Variants in TBC1D9 observed in about 807,000 individuals in gnomAD.
TBC1D9 encodes the protein TBC1 domain family member 9A.
Under a neutral mutation model 132.0 loss-of-function variants are expected in TBC1D9, and 63 were observed. That is an observed-to-expected ratio of 0.48 (90% CI 0.39 to 0.59). The LOEUF is 0.59. Ranked by LOEUF, TBC1D9 falls within the 20% of genes least tolerant of loss-of-function variation. The probability of loss-of-function intolerance (pLI) is 0.00; values close to 1 mark genes in which losing one functional copy is unlikely to be tolerated. For missense variants in TBC1D9, 1,261 were observed against 1,592.7 expected, an observed-to-expected ratio of 0.79 and a Z score of 3.54; for synonymous variants, 610 against 609.9, an observed-to-expected ratio of 1.00 and a Z score of 0.00.
At chr4:140,676,713 A>G (rs886862436) in intron 6 of TBC1D9, among the ~76,000 whole-genome samples, 181 bp downstream of exon 6, 2 of 152,198 alleles carry the variant, frequency 1.3e-5, no homozygotes, top group African/African-American at 4.8e-5. Context: ...CTGGAAGAAG[A>G]GATCTCACAG....
intron 10 of TBC1D9, among the ~76,000 whole-genome samples, 172 bp downstream of exon 10, chr4:140,661,720 GA>G (rs1195059137): frequency 2.0e-5 from 3 of 152,170 alleles, no homozygotes; most frequent in Non-Finnish European, 4.4e-5. Context: ...ACAAAGCATA[GA>G]ACAGCCCATA....
Position 140,622,174 on chromosome 4 carries a change from TC to T in TBC1D9, c.*20del, listed in dbSNP as rs1157890504. 1.3e-6 allele frequency: 2 copies of T among 1,541,982 alleles called. No homozygotes were observed. Among genetic ancestry groups the T allele is most frequent in the Admixed American group, 1.8e-5 (1 of 54,134 alleles). ...ATCCCTCCCCTCCCTCTCCTCCCAC[TC>T]CCCCGGGAAGGCGCCCGTGTCAGCC... On this transcript the variant is annotated 3_prime_UTR_variant, in exon 21 of 21. Transcript: ENST00000442267.
intron 16 of TBC1D9, among the ~76,000 whole-genome samples, chr4:140,629,749 T>C (rs1270820332): frequency 6.6e-6 from 1 of 152,194 alleles, no homozygotes; most frequent in Non-Finnish European, 1.5e-5. Flanking sequence ...ATAGCCTAAG[T>C]GTGAATTCAA....
At chr4:140,675,294 A>G (rs1045370332) in intron 6 of TBC1D9, among the ~76,000 whole-genome samples, 3 of 152,082 alleles carry the variant, frequency 2.0e-5, no homozygotes, top group Admixed American at 1.3e-4. Context: ...AGAAGAAACT[A>G]TGCCTAATTA....
At chr4:140,727,148 C>A (rs956864832) in intron 1 of TBC1D9, among the ~76,000 whole-genome samples, 3 of 152,146 alleles carry the variant, frequency 2.0e-5, no homozygotes, top group African/African-American at 7.2e-5. Flanking sequence ...GTATACAGAT[C>A]CCCAGCAGTT....
intron 1 of TBC1D9, among the ~76,000 whole-genome samples, chr4:140,726,703 T>A (rs182019212): frequency 1.3e-5 from 2 of 152,356 alleles, no homozygotes; most frequent in Admixed American, 1.3e-4. Context: ...AAGATGAGAT[T>A]GTTTTGTTAA....
chr4:140,679,293 A>G (rs1737671035), intron 4 of TBC1D9, 90 bp from the exon 5 acceptor site: 3 of 1,364,370 alleles, frequency 2.2e-6, no homozygotes, highest in East Asian at 2.3e-5. Flanking sequence ...CCCCCATCCC[A>G]CTGAACTCCT....
At chr4:140,680,679 C>T (rs1224412989) in intron 3 of TBC1D9, among the ~76,000 whole-genome samples, 2 of 152,088 alleles carry the variant, frequency 1.3e-5, no homozygotes, top group South Asian at 2.1e-4. Context: ...GTCTTAGATT[C>T]GTGCTCCCAC....
At chr4:140,681,707 A>G (rs887713880) in intron 3 of TBC1D9, among the ~76,000 whole-genome samples, 7 of 152,212 alleles carry the variant, frequency 4.6e-5, no homozygotes, top group Non-Finnish European at 2.9e-5. Flanking sequence ...TTTCTGAAAC[A>G]GAGATCTGAC....
In TBC1D9 at chr4:140,662,061, T is replaced by C. The variant is rs761779972; in HGVS notation, c.1635A>G (p.Leu545=). The change falls in exon 10 of 21, where the codon CTA becomes CTG. Residue 545 remains leucine (L), a synonymous_variant. Coordinates refer to ENST00000442267, the MANE Select transcript of TBC1D9 (RefSeq NM_015130.3). The part of the protein sequence containing the change: ...KATHPGYYED[L]VEKSMGKYNL... The stretch of plus-strand genomic sequence containing the variant: ...TATACTTCCCCATGGACTTCTCCAC[T>C]AGGTCTTCATAGTACCCAGGATGTG... 1.2e-5 allele frequency: 19 copies of C among 1,613,862 alleles called. 2 individuals carry two copies. In the Admixed American group the frequency reaches 3.0e-4, roughly 25 times the overall value.
intron 13 of TBC1D9, chr4:140,643,232 G>T: frequency 7.5e-7 from 1 of 1,333,168 alleles, no homozygotes. Context: ...CCACCTTCTT[G>T]CTCCTCCTCT....
At chr4:140,668,861 C>G in intron 9 of TBC1D9, 56 bp downstream of exon 9, 1 of 1,592,130 alleles carries the variant, frequency 6.3e-7, no homozygotes. Flanking sequence ...ACAGGGAGGC[C>G]CTGGTGTGGA....
chr4:140,678,040 C>G (rs1303414625), intron 5 of TBC1D9, among the ~76,000 whole-genome samples: 1 of 152,052 alleles, frequency 6.6e-6, no homozygotes, highest in African/African-American at 2.4e-5. Context: ...CAATCCTCCC[C>G]TCCTTTACCA....
At chr4:140,630,429 C>T (rs1342419314) in intron 16 of TBC1D9, among the ~76,000 whole-genome samples, 1 of 152,186 alleles carries the variant, frequency 6.6e-6, no homozygotes, top group Non-Finnish European at 1.5e-5. Context: ...CCTTCTCGGA[C>T]CCCTGCTGGT....
At chr4:140,751,666 C>A (rs1442482606) in intron 1 of TBC1D9, among the ~76,000 whole-genome samples, 3 of 152,074 alleles carry the variant, frequency 2.0e-5, no homozygotes. Flanking sequence ...AGGTAAGGAA[C>A]AAATGAAGAT....
In TBC1D9 at chr4:140,634,033, A is replaced by T. The variant is rs1736837654; in HGVS notation, c.2661T>A (p.Ser887=). 1 of 1,614,052 alleles carries T rather than the reference A, an allele frequency of 6.2e-7. No homozygotes were observed. Among genetic ancestry groups the T allele is most frequent in the African/African-American group, 1.3e-5 (1 of 75,074 alleles). The change falls in exon 16 of 21, where the codon TCT becomes TCA. Residue 887 remains serine, a synonymous_variant. Transcript: ENST00000442267. The stretch of plus-strand genomic sequence containing the variant: ...GGAACAAGCGGGAGGCCAGAACGTC[A>T]GAGTGAGTTCCACATGCCCAAGGAA... ...LLFPWACGTH[S]DVLASRLFQL...
At chr4:140,645,187 C>T (rs1737084688) in intron 13 of TBC1D9, 1 of 546,990 alleles carries the variant, frequency 1.8e-6, no homozygotes, top group South Asian at 1.5e-5. Flanking sequence ...TTCTCCTGAT[C>T]TCAGTCCAGC....
intron 1 of TBC1D9, among the ~76,000 whole-genome samples, chr4:140,733,748 G>A (rs1327500955): frequency 1.3e-5 from 2 of 152,060 alleles, no homozygotes; most frequent in Non-Finnish European, 2.9e-5. Flanking sequence ...TATGCGTTCT[G>A]TTTAACTCTA....
chr4:140,710,556 G>A (rs1738227000), intron 1 of TBC1D9, among the ~76,000 whole-genome samples: 1 of 152,176 alleles, frequency 6.6e-6, no homozygotes, highest in Non-Finnish European at 1.5e-5. Context: ...ACTAAAATCT[G>A]AAGAGCATTT....
Sources: allele counts gnomAD v4.1 joint callset (sites outside exome capture counted in the v4.1 genomes callset), GRCh38; gene constraint gnomAD v4.1.1; transcripts MANE v1.5; gene names NCBI Gene and HGNC (gene_info 2026-07-23, HGNC 2026-07-21).